The following ITGAE variants were observed in gnomAD, a reference collection of about 807,000 sequenced individuals.
The protein encoded by ITGAE is integrin subunit alpha E.
A neutral mutation model predicts 136.5 loss-of-function variants in ITGAE; 99 were observed. The observed-to-expected ratio is 0.73, with a 90% CI of 0.62 to 0.86. The LOEUF is 0.86. Ranked by LOEUF, ITGAE falls within the 40% of genes least tolerant of loss-of-function variation. The pLI is 0.00. For missense variants in ITGAE, 1,447 were observed against 1,515.3 expected (o/e 0.95, Z 0.75); for synonymous variants, 613 against 591.8 (o/e 1.04, Z -0.52).
At chr17:3,743,463 T>C in intron 19 of ITGAE, 26 bp downstream of exon 19, 1 of 1,561,616 alleles carries the variant, frequency 6.4e-7, no homozygotes, top group Non-Finnish European at 8.6e-7. Context: ...TTAAGAGGGC[T>C]GGGTACTGGC....
In ITGAE at chr17:3,761,977, C is replaced by A; in HGVS notation, c.253G>T (p.Val85Phe). 6.2e-7 allele frequency: 1 copy of A among 1,613,712 alleles called. No individual in the cohort carries two copies. Among genetic ancestry groups the A allele is most frequent in the Admixed American group, 1.7e-5 (1 of 59,990 alleles). The change falls in exon 4 of 31, where the codon GTC becomes TTC. Residue 85 changes from valine to phenylalanine, a missense_variant. Coordinates refer to ENST00000263087, the MANE Select transcript of ITGAE (RefSeq NM_002208.5). ...DEILCHPVEHVPIPKGRHRGV... is the reference protein window; with the variant it reads ...DEILCHPVEHFPIPKGRHRGV... ...CGGTGCCTCCCCTTGGGGATGGGGA[C>A]ATGCTCTGAAAAAGTTAAGCCCAGG...
chr17:3,746,601 G>A (rs896645757), intron 17 of ITGAE, among the ~76,000 whole-genome samples: 30 of 151,782 alleles, frequency 2.0e-4, no homozygotes, highest in Middle Eastern at 3.4e-3. Context: ...GACTACAGGC[G>A]CCCGCCACCA....
Position 3,714,944 on chromosome 17 carries a change from T to C in ITGAE, c.3445-2A>G. ...ATATTTTCTTTTAAAAAAGCCACAC[T>C]GAAACAAAGGAAGGAAAAGTCCAGT... On this transcript the variant is annotated splice_acceptor_variant, in intron 30 of 30. Transcript: ENST00000263087. LOFTEE classifies it high-confidence loss of function. The C allele has an allele frequency of 1.3e-6, 2 of 1,580,038 alleles. No homozygotes were observed. Among genetic ancestry groups the C allele is most frequent in the East Asian group, 4.5e-5 (2 of 44,654 alleles).
intron 24 of ITGAE, chr17:3,728,437 G>A (rs1017486552): frequency 8.9e-6 from 3 of 338,966 alleles, no homozygotes; most frequent in Admixed American, 4.8e-5. Context: ...GCAGTGGTGC[G>A]ATCTCAGCTC....
chr17:3,723,442 T>C (rs187461028), intron 27 of ITGAE, 59 bp from the exon 28 acceptor site: 763 of 1,283,908 alleles, frequency 5.9e-4, no homozygotes, highest in Non-Finnish European at 6.8e-4. Context: ...CTGAAATCTT[T>C]TTAACACTTC....
At chr17:3,736,689 C>A (rs1381848296) in intron 20 of ITGAE, among the ~76,000 whole-genome samples, 1 of 152,188 alleles carries the variant, frequency 6.6e-6, no homozygotes, top group Non-Finnish European at 1.5e-5. Flanking sequence ...AGTGCAGAAC[C>A]ACTCTCAGTA....
chr17:3,773,686 G>T (rs2052478793), intron 2 of ITGAE, among the ~76,000 whole-genome samples: 2 of 152,070 alleles, frequency 1.3e-5, no homozygotes, highest in East Asian at 3.9e-4. Context: ...CATTACATAG[G>T]CATGACTCAT....
intron 8 of ITGAE, 31 bp from the exon 9 acceptor site, chr17:3,757,890 GC>G: frequency 6.2e-7 from 1 of 1,611,920 alleles, no homozygotes; most frequent in African/African-American, 1.3e-5. Flanking sequence ...GAAGAAGAGA[GC>G]TTTGCCAGAA....
rs915748267 is a variant in ITGAE at position 3,799,010 on chromosome 17, G to A, written c.34+2101C>T. On this transcript the variant is annotated intron_variant, in intron 1 of 30. Coordinates refer to ENST00000263087, the MANE Select transcript of ITGAE (RefSeq NM_002208.5). This position sits in a 1 kb window ranked among gnomAD's most constrained non-coding sequence, Gnocchi z 4.1. ...CAGAGTGGCTGGCCTGGAGAGAGTGGAAGGTCAGGGCCAGGCCAGGCCAGT... is the reference window on the plus strand; with the variant it reads ...CAGAGTGGCTGGCCTGGAGAGAGTGAAAGGTCAGGGCCAGGCCAGGCCAGT... Among the ~76,000 whole-genome samples the A allele has an allele frequency of 2.8e-4, 42 of 152,248 alleles. No individual in the cohort carries two copies. Among genetic ancestry groups the A allele is most frequent in the African/African-American group, 8.7e-4 (36 of 41,544 alleles).
rs2915562 is a variant in ITGAE, at chr17:3,720,512, T to G, written c.3238-110A>C. 0.046 allele frequency: 29,336 copies of G among 636,352 alleles called. 6,358 individuals carry two copies. The African/African-American group carries it at 0.47, about 10-fold the overall frequency. 39.4% of individuals were successfully genotyped at this position (636,352 alleles called of 1,614,324 possible). A position where few individuals can be genotyped will look rare whatever the true frequency, so the allele number is the denominator to read the frequency against. Reference sequence around the variant, plus strand: ...CCTTTAAAGGTATTCCTGGGCTTAGTTAATGGCCCTAACGTACACAACACT... The same window carrying G: ...CCTTTAAAGGTATTCCTGGGCTTAGGTAATGGCCCTAACGTACACAACACT... On this transcript the variant is annotated intron_variant, in intron 28 of 30. Coordinates refer to ENST00000263087, the MANE Select transcript of ITGAE (RefSeq NM_002208.5).
chr17:3,793,393 G>A (rs1567562812), intron 1 of ITGAE, among the ~76,000 whole-genome samples: 1 of 151,970 alleles, frequency 6.6e-6, no homozygotes, highest in Non-Finnish European at 1.5e-5. Flanking sequence ...CTGTCACCCA[G>A]GCTGGACTGC....
intron 21 of ITGAE, among the ~76,000 whole-genome samples, chr17:3,734,126 A>G (rs865945301): frequency 3.3e-5 from 5 of 152,194 alleles, no homozygotes; most frequent in African/African-American, 9.7e-5. Context: ...GCTGGAGTGC[A>G]GTGGCGCAAT....
intron 2 of ITGAE, among the ~76,000 whole-genome samples, chr17:3,772,394 C>T (rs1163516942): frequency 6.6e-6 from 1 of 150,966 alleles, no homozygotes; most frequent in Non-Finnish European, 1.5e-5. Context: ...TCCATCCATA[C>T]TTGCTGAATG....
intron 1 of ITGAE, among the ~76,000 whole-genome samples, chr17:3,779,681 G>A (rs2052619752): frequency 6.6e-6 from 1 of 152,184 alleles, no homozygotes; most frequent in African/African-American, 2.4e-5. Context: ...TGGATGGGTA[G>A]ATAGATATAC....
Position 3,786,758 on chromosome 17 carries a change from C to T in ITGAE, c.35-9098G>A, listed in dbSNP as rs370556276. Among the ~76,000 whole-genome samples the T allele has an allele frequency of 4.1e-4, 63 of 151,854 alleles. 1 individual carries two copies. In the South Asian group the frequency reaches 8.6e-3, roughly 21 times the overall value. ...TGCAAAAATTAGCTGGGCGTGGTGG[C>T]GCACACCTGTAGTCCCAGCTACTCG... On this transcript the variant is annotated intron_variant, in intron 1 of 30. Coordinates refer to ENST00000263087, the MANE Select transcript of ITGAE (RefSeq NM_002208.5).
intron 26 of ITGAE, chr17:3,725,150 C>T: frequency 6.2e-7 from 1 of 1,614,196 alleles, no homozygotes; most frequent in South Asian, 1.1e-5. Flanking sequence ...TCTGCAGCAT[C>T]TATACCACTG....
At chr17:3,719,854 A>G (rs2472026) in intron 29 of ITGAE, among the ~76,000 whole-genome samples, 20,755 of 151,988 alleles carry the variant, frequency 0.14, 4,733 homozygotes, top group African/African-American at 0.47. Flanking sequence ...CAGCCTCCCA[A>G]GTAGGTGGGA....
intron 19 of ITGAE, 22 bp from the exon 20 acceptor site, chr17:3,739,900 C>G: frequency 6.2e-7 from 1 of 1,604,636 alleles, no homozygotes; most frequent in East Asian, 2.2e-5. Context: ...CAGAGAGTCC[C>G]GATCAGCCCA....
chr17:3,759,217 G>A (rs894273451), intron 8 of ITGAE, among the ~76,000 whole-genome samples, 185 bp downstream of exon 8: 1 of 152,162 alleles, frequency 6.6e-6, no homozygotes, highest in East Asian at 1.9e-4. Context: ...CTCACAAGAG[G>A]AAGTCTTTGG....
Sources: allele counts gnomAD v4.1 joint callset (sites outside exome capture counted in the v4.1 genomes callset), GRCh38; gene constraint gnomAD v4.1.1; non-coding constraint Gnocchi (gnomAD v3.1); transcripts MANE v1.5; gene names NCBI Gene and HGNC (gene_info 2026-07-23, HGNC 2026-07-21).